CSMD1: variants seen among roughly 807,000 people sequenced by gnomAD.
CSMD1 encodes CUB and sushi domain-containing protein 1.
In CSMD1, 213 loss-of-function variants were observed where a neutral mutation model predicts 417.5. That is an observed-to-expected ratio of 0.51 (90% CI 0.46 to 0.57). CSMD1 has a LOEUF of 0.57. Among genes scored for constraint, CSMD1 ranks in the 20% least tolerant of loss-of-function variants. The pLI, the probability that CSMD1 is intolerant of heterozygous loss-of-function variation, is 0.00. For synonymous variants in CSMD1, 2,862 were observed against 1,736.8 expected (o/e 1.65, Z -16.11); for missense variants, 6,923 against 4,529.7 (o/e 1.53, Z -15.17).
intron 3 of CSMD1, among the ~76,000 whole-genome samples, chr8:4,104,128 G>C (rs987052999): frequency 2.6e-5 from 4 of 152,210 alleles, no homozygotes; most frequent in African/African-American, 9.7e-5. Context: ...GCAGAGTGTT[G>C]ATTCAGTCCC....
chr8:3,741,384 G>A lies in CSMD1; in HGVS notation c.931+12546C>T, dbSNP rs180785584. ...GGAGACCGAAGGGGAATGTATCACA[G>A]GATGGCATATAGGGCCAGGTTATCC... On this transcript the variant is annotated intron_variant, in intron 6 of 69. Coordinates refer to ENST00000635120, the MANE Select transcript of CSMD1 (RefSeq NM_033225.6). 4.2e-3 allele frequency among the ~76,000 whole-genome samples: 641 copies of A among 152,240 alleles called. 2 individuals are homozygous for A. Among genetic ancestry groups the A allele is most frequent in the Non-Finnish European group, 6.8e-3 (464 of 68,018 alleles).
intron 50 of CSMD1, among the ~76,000 whole-genome samples, chr8:3,051,359 C>T (rs1364167439): frequency 2.0e-5 from 3 of 152,156 alleles, no homozygotes; most frequent in South Asian, 2.1e-4. Flanking sequence ...AACCAAATAG[C>T]ACATTTTCTC....
At chr8:3,941,286 A>G (rs997699365) in intron 5 of CSMD1, among the ~76,000 whole-genome samples, 4 of 152,166 alleles carry the variant, frequency 2.6e-5, no homozygotes, top group Non-Finnish European at 5.9e-5. Context: ...AATTCCCAAA[A>G]TATTATTTTA....
intron 54 of CSMD1, among the ~76,000 whole-genome samples, chr8:2,987,079 G>A (rs926954523): frequency 1.3e-5 from 2 of 151,832 alleles, no homozygotes; most frequent in African/African-American, 4.8e-5. Context: ...ATTCTTAATG[G>A]TCTCTCCGAC....
At chr8:3,053,321 A>G (rs186335452) in intron 49 of CSMD1, among the ~76,000 whole-genome samples, 1 of 152,326 alleles carries the variant, frequency 6.6e-6, no homozygotes, top group East Asian at 1.9e-4. Context: ...TTGGAAAGAA[A>G]GAAGAAGGGA....
At chr8:3,512,853 C>T (rs1309466974) in intron 10 of CSMD1, among the ~76,000 whole-genome samples, 1 of 151,978 alleles carries the variant, frequency 6.6e-6, no homozygotes, top group African/African-American at 2.4e-5. Flanking sequence ...ACCTCGGCCT[C>T]CCAAAATGCT....
chr8:4,254,559 A>G (rs1186775261), intron 3 of CSMD1, among the ~76,000 whole-genome samples: 2 of 152,152 alleles, frequency 1.3e-5, no homozygotes, highest in East Asian at 3.9e-4. Flanking sequence ...AGTAGTGTAC[A>G]GTCATGTCCT....
At chr8:3,734,694 G>C (rs1563323474) in intron 6 of CSMD1, among the ~76,000 whole-genome samples, 4 of 152,346 alleles carry the variant, frequency 2.6e-5, no homozygotes, top group South Asian at 2.1e-4. Context: ...ATGGGTGACA[G>C]AGTGAGATTT....
chr8:4,963,850 C>G (rs1417316704), intron 1 of CSMD1, among the ~76,000 whole-genome samples: 1 of 152,148 alleles, frequency 6.6e-6, no homozygotes, highest in Non-Finnish European at 1.5e-5. Flanking sequence ...CCCAATCATA[C>G]TAGCCTAACC....
chr8:3,857,017 A>G (rs1278799511), intron 5 of CSMD1, among the ~76,000 whole-genome samples: 2 of 152,202 alleles, frequency 1.3e-5, no homozygotes, highest in African/African-American at 4.8e-5. Flanking sequence ...ATGGCATGGC[A>G]ATGATTAGAA....
chr8:4,332,109 G>C (rs999957641), intron 3 of CSMD1, among the ~76,000 whole-genome samples: 1 of 151,986 alleles, frequency 6.6e-6, no homozygotes, highest in African/African-American at 2.4e-5. Context: ...AAGAAACCAC[G>C]CATAATTCTA....
intron 5 of CSMD1, among the ~76,000 whole-genome samples, chr8:3,829,663 A>C (rs28453077): frequency 0.012 from 1,811 of 152,308 alleles, 13 homozygotes; most frequent in Middle Eastern, 0.02. Context: ...TCTATGATGC[A>C]AATGTCCTCG....
intron 5 of CSMD1, among the ~76,000 whole-genome samples, chr8:3,803,290 G>A (rs986984517): frequency 6.6e-6 from 1 of 152,148 alleles, no homozygotes; most frequent in African/African-American, 2.4e-5. Context: ...AAAGTTGACG[G>A]TTTAGCAGCA....
chr8:3,224,940 T>A (rs1798409915), intron 27 of CSMD1, among the ~76,000 whole-genome samples: 1 of 152,246 alleles, frequency 6.6e-6, no homozygotes, highest in South Asian at 2.1e-4. Flanking sequence ...ATACTGTGGT[T>A]TGTCACCAAG....
intron 50 of CSMD1, among the ~76,000 whole-genome samples, chr8:3,037,783 A>G (rs1041645342): frequency 6.6e-6 from 1 of 152,218 alleles, no homozygotes; most frequent in African/African-American, 2.4e-5. Context: ...ACTTCTAGGA[A>G]GTAATTTATG....
intron 2 of CSMD1, among the ~76,000 whole-genome samples, chr8:4,435,405 G>T (rs756907846): frequency 3.3e-5 from 5 of 152,166 alleles, no homozygotes; most frequent in Non-Finnish European, 5.9e-5. Flanking sequence ...TCACTCCAAA[G>T]AAGTCACCAT....
intron 23 of CSMD1, among the ~76,000 whole-genome samples, chr8:3,315,462 G>GTGTGTA (rs58150104): frequency 6.6e-6 from 1 of 151,496 alleles, no homozygotes; most frequent in African/African-American, 2.4e-5. Context: ...GTGTGTGTGT[G>GTGTGTA]ATTTTTAAAC....
chr8:3,218,476 G>A (rs769837996), intron 29 of CSMD1, among the ~76,000 whole-genome samples: 38 of 149,074 alleles, frequency 2.5e-4, no homozygotes, highest in Admixed American at 1.0e-3. Context: ...AAGGAGAATC[G>A]CTTGAACCCT....
chr8:4,566,531 C>T (rs111651906), intron 2 of CSMD1, among the ~76,000 whole-genome samples: 3,232 of 151,422 alleles, frequency 0.021, 65 homozygotes, highest in Non-Finnish European at 0.031. Context: ...CGGGCGCCTG[C>T]AGTCCCACCT....
Sources: allele counts gnomAD v4.1 joint callset (sites outside exome capture counted in the v4.1 genomes callset), GRCh38; gene constraint gnomAD v4.1.1; transcripts MANE v1.5; gene names NCBI Gene and HGNC (gene_info 2026-07-23, HGNC 2026-07-21).